The following SFI1 variants were observed in gnomAD, a reference collection of about 807,000 sequenced individuals.
The protein encoded by SFI1 is SFI1 centrin binding protein.
SFI1 carries 195 observed loss-of-function variants against 207.5 expected under a neutral mutation model. That is an observed-to-expected ratio of 0.94 (90% CI 0.84 to 1.06). The LOEUF is 1.06. Among genes scored for constraint, SFI1 ranks in the 50% least tolerant of loss-of-function variants. SFI1 has a pLI of 0.00. For missense variants in SFI1, 1,634 were observed against 1,588.0 expected (o/e 1.03, Z -0.49); for synonymous variants, 630 against 598.9 (o/e 1.05, Z -0.76).
At chr22:31,551,927 A>C (rs944236194) in intron 6 of SFI1, among the ~76,000 whole-genome samples, 10 of 152,336 alleles carry the variant, frequency 6.6e-5, no homozygotes, top group Non-Finnish European at 1.2e-4. Context: ...AATTGGTGTT[A>C]CATGAGTATA....
At chr22:31,595,863 T>G (rs528072758) in intron 15 of SFI1, among the ~76,000 whole-genome samples, 1 of 152,104 alleles carries the variant, frequency 6.6e-6, no homozygotes, top group Non-Finnish European at 1.5e-5. Context: ...AAAATGACAG[T>G]TTTGGAAATT....
chr22:31,524,596 G>T (rs1338899542), intron 2 of SFI1, among the ~76,000 whole-genome samples: 1 of 151,476 alleles, frequency 6.6e-6, no homozygotes, highest in African/African-American at 2.4e-5. Context: ...CCAATTTTTT[G>T]TAGAGACAGG....
At chr22:31,598,009 G>T (rs1212745462) in intron 15 of SFI1, among the ~76,000 whole-genome samples, 1 of 149,842 alleles carries the variant, frequency 6.7e-6, no homozygotes, top group African/African-American at 2.5e-5. Flanking sequence ...ACGGAGTCTC[G>T]CTCTGTTGCC....
chr22:31,536,403 C>A (rs1031730645), intron 4 of SFI1, among the ~76,000 whole-genome samples: 1 of 152,064 alleles, frequency 6.6e-6, no homozygotes, highest in African/African-American at 2.4e-5. Context: ...TTCCTAAAAT[C>A]CGTTTTATTT....
At chr22:31,572,288 A>G (rs1476465491) in intron 8 of SFI1, among the ~76,000 whole-genome samples, 2 of 152,302 alleles carry the variant, frequency 1.3e-5, no homozygotes, top group East Asian at 3.9e-4. Flanking sequence ...TCGTCTTCAG[A>G]TTAGGACATG....
intron 20 of SFI1, 198 bp downstream of exon 20, chr22:31,605,143 G>C: frequency 2.2e-6 from 1 of 446,376 alleles, no homozygotes; most frequent in South Asian, 4.6e-5. Flanking sequence ...GTGCAGGGCA[G>C]GACCTTGGAA....
intron 1 of SFI1, among the ~76,000 whole-genome samples, chr22:31,504,145 G>A (rs1426109962): frequency 2.6e-5 from 4 of 152,132 alleles, no homozygotes; most frequent in Non-Finnish European, 5.9e-5. Flanking sequence ...TGCTGGTATA[G>A]AGTATATAAC....
At chr22:31,568,147 C>G (rs2062518432) in intron 8 of SFI1, among the ~76,000 whole-genome samples, 1 of 111,138 alleles carries the variant, frequency 9.0e-6, no homozygotes, top group Non-Finnish European at 1.9e-5. Context: ...TATGGACTCT[C>G]TCTCTCTCTA....
At position 31,563,356 on chromosome 22, in the gene SFI1, A is replaced by G. The variant is rs545682073; in HGVS notation, c.765+1964A>G. ...ATAGACTTGTAACCTCAGGAGGGAG[A>G]TGGAACTGATAAATGGGAAAATGCT... is the stretch of plus-strand genomic sequence containing the variant. On this transcript the variant is annotated intron_variant, in intron 8 of 32. Transcript: ENST00000400288. Among the ~76,000 whole-genome samples the G allele has an allele frequency of 6.9e-4, 105 of 152,186 alleles. 1 individual carries two copies. The highest frequency in any genetic ancestry group is 7.5e-4 in the Non-Finnish European group (51 of 68,012).
At chr22:31,501,687 C>T (rs2053801062) in intron 1 of SFI1, among the ~76,000 whole-genome samples, 1 of 152,128 alleles carries the variant, frequency 6.6e-6, no homozygotes, top group Non-Finnish European at 1.5e-5. Flanking sequence ...ATGAAAAGTG[C>T]TTAGCACTAA....
intron 14 of SFI1, 63 bp downstream of exon 14, chr22:31,585,197 A>G: frequency 6.9e-7 from 1 of 1,446,272 alleles, no homozygotes; most frequent in East Asian, 2.3e-5. Context: ...TTTGCTTTGG[A>G]AAGATTCTTG....
chr22:31,546,841 TG>T lies in SFI1; in HGVS notation c.339-19del. On this transcript the variant is annotated intron_variant, in intron 4 of 32. Transcript: ENST00000400288. ...GCTCCAACATCATCATATATATATA[TG>T]ATTTTTTTTTTGCCGTAGATTTTAC... 1.4e-5 allele frequency: 20 copies of T among 1,444,564 alleles called. No individual in the cohort carries two copies. Among genetic ancestry groups the T allele is most frequent in the Admixed American group, 1.8e-5 (1 of 55,020 alleles). The allele number at this position is 1,444,564 out of a possible 1,614,324, so 89.5% of individuals were successfully genotyped here.
chr22:31,574,359 C>G (rs1221263636), intron 9 of SFI1, among the ~76,000 whole-genome samples: 1 of 152,210 alleles, frequency 6.6e-6, no homozygotes, highest in African/African-American at 2.4e-5. Flanking sequence ...ATGCCTGCCT[C>G]CAATTACAGC....
intron 2 of SFI1, among the ~76,000 whole-genome samples, chr22:31,509,540 T>G (rs961512154): frequency 1.3e-5 from 2 of 152,290 alleles, no homozygotes; most frequent in African/African-American, 4.8e-5. Context: ...TTCTGCCTGC[T>G]TTTCCTAGTG....
intron 4 of SFI1, among the ~76,000 whole-genome samples, chr22:31,536,230 C>T (rs866671028): frequency 7.9e-5 from 12 of 152,044 alleles, no homozygotes; most frequent in Admixed American, 4.6e-4. Flanking sequence ...AGCCCTCGTG[C>T]TGGAGAGGAT....
intron 2 of SFI1, among the ~76,000 whole-genome samples, chr22:31,509,500 A>G (rs879257105): frequency 3.3e-5 from 5 of 152,212 alleles, no homozygotes; most frequent in Non-Finnish European, 5.9e-5. Flanking sequence ...GATGCAGGCT[A>G]GAAGACTTAG....
chr22:31,572,208 G>T (rs2063022673), intron 8 of SFI1, among the ~76,000 whole-genome samples: 2 of 152,132 alleles, frequency 1.3e-5, no homozygotes, highest in African/African-American at 2.4e-5. Flanking sequence ...GGGAACGATG[G>T]TATTCAGTTG....
intron 8 of SFI1, among the ~76,000 whole-genome samples, chr22:31,563,388 G>A (rs1182905211): frequency 6.6e-6 from 1 of 152,098 alleles, no homozygotes; most frequent in Non-Finnish European, 1.5e-5. Flanking sequence ...TGCTATAAAT[G>A]CAGGGATACT....
At chr22:31,596,893 G>A (rs777806352) in intron 15 of SFI1, among the ~76,000 whole-genome samples, 62 of 146,778 alleles carry the variant, frequency 4.2e-4, no homozygotes, top group Non-Finnish European at 8.2e-4. Context: ...GTTTCTAAAT[G>A]GCTTCAGTAC....
Sources: gnomAD v4.1 joint callset for allele counts (sites outside exome capture counted in the v4.1 genomes callset) on GRCh38, gnomAD v4.1.1 for gene constraint, MANE v1.5 for transcripts, NCBI Gene and HGNC (gene_info 2026-07-23, HGNC 2026-07-21) for gene names.